Variants in CUX1 observed in about 807,000 individuals in gnomAD.
CUX1 encodes protein CASP.
A neutral mutation model predicts 158.8 loss-of-function variants in CUX1; 31 were observed. That is an observed-to-expected ratio of 0.20 (90% CI 0.15 to 0.26). The LOEUF (loss-of-function observed/expected upper bound fraction) is 0.26, where lower values mean the gene tolerates loss of function less well. Ranked by LOEUF, CUX1 falls within the 10% of genes least tolerant of loss-of-function variation. CUX1 has a pLI of 1.00. For synonymous variants in CUX1, 879 were observed against 862.1 expected (o/e 1.02, Z -0.34); for missense variants, 1,589 against 2,014.6 (o/e 0.79, Z 4.04).
rs1469833281 is a variant in CUX1, at chr7:102,070,459, G to A, written c.268+42G>A. The A allele has an allele frequency of 3.3e-6, 5 of 1,493,336 alleles. No individual in the cohort carries two copies. The East Asian group carries it at 6.9e-5, about 21-fold the overall frequency. The allele number at this position is 1,493,336 out of a possible 1,614,324, so 92.5% of individuals were successfully genotyped here. A position where few individuals can be genotyped will look rare whatever the true frequency, so the allele number is the denominator to read the frequency against. On this transcript the variant is annotated intron_variant, in intron 4 of 23. Transcript: ENST00000292535. ...ATGGCCCACCAGTGGGGGGCGTTGTGTCTGGTGAGTCGGTGGGTTTTTGGC... is the reference window on the plus strand; with the variant it reads ...ATGGCCCACCAGTGGGGGGCGTTGTATCTGGTGAGTCGGTGGGTTTTTGGC...
chr7:102,122,769 A>G (rs544945284), intron 8 of CUX1, among the ~76,000 whole-genome samples: 3 of 152,262 alleles, frequency 2.0e-5, no homozygotes, highest in South Asian at 2.1e-4. Context: ...AGAATTGCCA[A>G]ACTTTACTCC....
chr7:101,835,370 A>G (rs1317441721), intron 1 of CUX1, among the ~76,000 whole-genome samples: 1 of 152,138 alleles, frequency 6.6e-6, no homozygotes, highest in Non-Finnish European at 1.5e-5. Context: ...TGGTATGGGC[A>G]TACCAGGTTT....
intron 3 of CUX1, among the ~76,000 whole-genome samples, chr7:102,060,562 TAC>T (rs958241921): frequency 2.0e-5 from 3 of 149,830 alleles, no homozygotes; most frequent in Non-Finnish European, 3.0e-5. Context: ...AGTATATATA[TAC>T]ACACACACAT....
At chr7:101,987,099 C>G (rs1814406973) in intron 2 of CUX1, among the ~76,000 whole-genome samples, 1 of 152,210 alleles carries the variant, frequency 6.6e-6, no homozygotes, top group Non-Finnish European at 1.5e-5. Flanking sequence ...ACCTGGAGCT[C>G]TGACCTCGTC....
chr7:102,047,645 T>A (rs1304293740), intron 3 of CUX1, among the ~76,000 whole-genome samples: 1 of 152,148 alleles, frequency 6.6e-6, no homozygotes, highest in African/African-American at 2.4e-5. Flanking sequence ...TAAGAATAGA[T>A]TGACTCTTAC....
At chr7:101,886,975 C>T (rs1319238501) in intron 1 of CUX1, among the ~76,000 whole-genome samples, 1 of 152,184 alleles carries the variant, frequency 6.6e-6, no homozygotes, top group Non-Finnish European at 1.5e-5. Flanking sequence ...TGCTGAGCCC[C>T]CACTCTTCGC....
At position 101,970,836 on chromosome 7, in the gene CUX1, G is replaced by A. The variant is rs140995907; in HGVS notation, c.141+54611G>A. 2.6e-3 allele frequency among the ~76,000 whole-genome samples: 389 copies of A among 152,276 alleles called. 3 individuals are homozygous for A. The highest frequency in any genetic ancestry group is 4.6e-3 in the Non-Finnish European group (313 of 68,018). On this transcript the variant is annotated intron_variant, in intron 2 of 23. Coordinates refer to ENST00000292535, the MANE Select transcript of CUX1 (RefSeq NM_181552.4). ...CTCCCAAAGTGCTAGGATTACAGGCGTGAGCCCCTGCACCCGGCTGAACCT... is the reference window on the plus strand; with the variant it reads ...CTCCCAAAGTGCTAGGATTACAGGCATGAGCCCCTGCACCCGGCTGAACCT...
chr7:102,246,632 C>T (rs1554537049), intron 23 of CUX1, among the ~76,000 whole-genome samples: 2 of 151,814 alleles, frequency 1.3e-5, no homozygotes, highest in East Asian at 3.9e-4. Context: ...AGTGCAGTGG[C>T]AGTCTTGGCT....
At chr7:102,233,656 G>A (rs1000980425) in intron 21 of CUX1, among the ~76,000 whole-genome samples, 2 of 152,120 alleles carry the variant, frequency 1.3e-5, no homozygotes, top group South Asian at 2.1e-4. Flanking sequence ...GCGTGGTGGC[G>A]AGCACCTGTA....
intron 9 of CUX1, among the ~76,000 whole-genome samples, chr7:102,167,914 C>CA (rs1265548806): frequency 2.0e-5 from 3 of 151,756 alleles, no homozygotes; most frequent in Non-Finnish European, 2.9e-5. Context: ...CCCGTCTCTA[C>CA]AAAAAATATA....
rs781905604 is a variant in CUX1, at chr7:102,197,291, A to C, written c.1880A>C (p.Gln627Pro). ...EQNILALRSI[Q>P]GRQRENPGQS... ...AACATCCTGGCCCTCCGTAGCATCCAAGGCAGACAAAGAGGTGAGAGACTG... is the reference window on the plus strand; with the variant it reads ...AACATCCTGGCCCTCCGTAGCATCCCAGGCAGACAAAGAGGTGAGAGACTG... Residue 627 changes from glutamine to proline, a missense_variant, in exon 15 of 24, where the codon CAA becomes CCA. By Grantham distance (76) the Gln-to-Pro change is moderately conservative. Coordinates refer to ENST00000292535, the MANE Select transcript of CUX1 (RefSeq NM_181552.4). 1 of 1,611,922 alleles carries C rather than the reference A, an allele frequency of 6.2e-7. No homozygotes were observed. Among genetic ancestry groups the C allele is most frequent in the Admixed American group, 1.7e-5 (1 of 60,004 alleles).
At chr7:102,118,919 T>C (rs58179454) in intron 8 of CUX1, among the ~76,000 whole-genome samples, 11,856 of 152,030 alleles carry the variant, frequency 0.078, 697 homozygotes, top group African/African-American at 0.16. Context: ...ATCCAGCTAA[T>C]TTTTGTATTT....
At position 102,021,614 on chromosome 7, in the gene CUX1, CTTTTTTTTTTT is replaced by C. The variant is rs67147187; in HGVS notation, c.142-6472_142-6462del. The stretch of plus-strand genomic sequence containing the variant: ...TGAGCTACCAGATACTTTTTTTTCT[CTTTTTTTTTTT>C]TTTTTTTTTTTGGATGGAGTTTCCT... On this transcript the variant is annotated intron_variant, in intron 2 of 23. Transcript: ENST00000292535. 7.1e-3 allele frequency among the ~76,000 whole-genome samples: 779 copies of C among 109,362 alleles called. 12 individuals carry two copies. The highest frequency in any genetic ancestry group is 0.023 in the African/African-American group (751 of 32,096). 71.7% of individuals were successfully genotyped at this position (109,362 alleles called of 152,430 possible). A position where few individuals can be genotyped will look rare whatever the true frequency, so the allele number is the denominator to read the frequency against.
chr7:102,129,862 T>G (rs1322730584), intron 8 of CUX1, among the ~76,000 whole-genome samples: 1 of 152,104 alleles, frequency 6.6e-6, no homozygotes, highest in Non-Finnish European at 1.5e-5. Context: ...TTGGAAAATT[T>G]GGGGCACCGT....
intron 9 of CUX1, among the ~76,000 whole-genome samples, chr7:102,161,729 G>A (rs1469696002): frequency 6.6e-6 from 1 of 152,142 alleles, no homozygotes; most frequent in Non-Finnish European, 1.5e-5. Context: ...TCCTGCCTCA[G>A]CCTCCCAAGT....
At chr7:101,836,728 C>T (rs1438392374) in intron 1 of CUX1, among the ~76,000 whole-genome samples, 2 of 151,858 alleles carry the variant, frequency 1.3e-5, no homozygotes, top group Non-Finnish European at 2.9e-5. Context: ...GTTCCTTCCC[C>T]ACGGCCAGTG....
At chr7:102,227,268 A>G (rs1451899511) in intron 20 of CUX1, 99 bp from the exon 21 acceptor site, 3 of 1,063,110 alleles carry the variant, frequency 2.8e-6, no homozygotes, top group South Asian at 3.0e-5. Flanking sequence ...TGCTTCTCCT[A>G]CAGAGCGTTT....
chr7:101,856,206 A>AAAAAAAG (rs1554395823), intron 1 of CUX1, among the ~76,000 whole-genome samples: 1 of 146,364 alleles, frequency 6.8e-6, no homozygotes, highest in African/African-American at 2.7e-5. Flanking sequence ...AAAAAAAAAA[A>AAAAAAAG]GGAAACAAGA....
intron 1 of CUX1, among the ~76,000 whole-genome samples, chr7:101,885,738 C>T (rs1800156854): frequency 6.6e-6 from 1 of 152,136 alleles, no homozygotes; most frequent in South Asian, 2.1e-4. Flanking sequence ...GTGGACTACT[C>T]AATAAATATT....
Sources: allele counts gnomAD v4.1 joint callset (sites outside exome capture counted in the v4.1 genomes callset), GRCh38; gene constraint gnomAD v4.1.1; transcripts MANE v1.5; gene names NCBI Gene and HGNC (gene_info 2026-07-23, HGNC 2026-07-21).